The following PUS3 variants were observed in gnomAD, a reference collection of about 807,000 sequenced individuals.
The protein encoded by PUS3 is tRNA pseudouridine(38/39) synthase.
A neutral mutation model predicts 43.3 loss-of-function variants in PUS3; 36 were observed. That is an observed-to-expected ratio of 0.83 (90% CI 0.64 to 1.10). The LOEUF (loss-of-function observed/expected upper bound fraction) is 1.10, where lower values mean the gene tolerates loss of function less well. PUS3 is among the 50% of genes least tolerant of loss of function. PUS3 has a pLI of 0.00. For missense variants in PUS3, 544 were observed against 589.9 expected, an observed-to-expected ratio of 0.92 and a Z score of 0.81; for synonymous variants, 183 against 199.2, an observed-to-expected ratio of 0.92 and a Z score of 0.69.
At position 125,896,199 on chromosome 11, in the gene PUS3, T is replaced by C. The variant is rs909943532; in HGVS notation, c.86A>G (p.Lys29Arg). 2 of 1,614,086 alleles carry C rather than the reference T, an allele frequency of 1.2e-6. No individual in the cohort carries two copies. The highest frequency in any genetic ancestry group is 1.7e-6 in the Non-Finnish European group (2 of 1,180,046). Reference sequence around the variant, plus strand: ...CTCCTTATTTTTGGCCTGTTCCTTTTTAAGTCTTTGCACCTCTTGCTCCAG... The same window carrying C: ...CTCCTTATTTTTGGCCTGTTCCTTTCTAAGTCTTTGCACCTCTTGCTCCAG... ...RELEQEVQRL[K>R]KEQAKNKEDS... Residue 29 changes from lysine (K) to arginine (R), a missense_variant, in exon 2 of 4, where the codon AAA becomes AGA. Coordinates refer to ENST00000227474, the MANE Select transcript of PUS3 (RefSeq NM_031307.4).
Position 125,900,518 on chromosome 11 carries a change from G to T in PUS3, c.-47+2652C>A, listed in dbSNP as rs546504307. On this transcript the variant is annotated intron_variant, in intron 1 of 3. Coordinates refer to ENST00000227474, the MANE Select transcript of PUS3 (RefSeq NM_031307.4). ...ACAACAGACCTGGTCTTTCTATTTT[G>T]TCAAATTAGTAAGGGCCCTTTGTGT... The T allele has an allele frequency of 8.1e-6, 4 of 491,974 alleles. No homozygotes were observed. In the East Asian group the frequency reaches 1.6e-4, roughly 20 times the overall value. The allele number at this position is 491,974 out of a possible 1,614,324, so 30.5% of individuals were successfully genotyped here.
intron 1 of PUS3, chr11:125,899,650 G>A: frequency 1.9e-6 from 3 of 1,614,224 alleles, no homozygotes; most frequent in Non-Finnish European, 2.5e-6. Context: ...AGCCAGTGAT[G>A]AAGAGAAAGG....
At position 125,895,651 on chromosome 11, in the gene PUS3, G is replaced by T. The variant is rs370082947; in HGVS notation, c.517C>A (p.Arg173Ser). The change falls in exon 3 of 4, where the codon CGT becomes AGT. Residue 173 changes from arginine to serine, a missense_variant. By Grantham distance (110) the Arg-to-Ser change is moderately radical. Coordinates refer to ENST00000227474, the MANE Select transcript of PUS3 (RefSeq NM_031307.4). ...ILNRVLPPDI[R>S]ILAWAPVEPS... ...TCTACAGGGGCCCAGGCCAATATAC[G>T]GATGTCTGGAGGGAGTACCCGATTG... The T allele has an allele frequency of 1.7e-5, 28 of 1,614,092 alleles. No individual in the cohort carries two copies. Among genetic ancestry groups the T allele is most frequent in the African/African-American group, 2.7e-5 (2 of 74,944 alleles).
At chr11:125,896,451 G>T in intron 1 of PUS3, 121 bp from the exon 2 acceptor site, 1 of 668,108 alleles carries the variant, frequency 1.5e-6, no homozygotes, top group Non-Finnish European at 2.5e-6. Context: ...AGGAATACAA[G>T]CATTAGCTTT....
rs757738985 is a variant in PUS3 at position 125,896,112 on chromosome 11, C to T, written c.173G>A (p.Ser58Asn). The T allele has an allele frequency of 9.3e-6, 15 of 1,614,100 alleles. No individual in the cohort carries two copies. The highest frequency in any genetic ancestry group is 3.3e-5 in the Admixed American group (2 of 60,012). The change falls in exon 2 of 4, where the codon AGT becomes AAT. Residue 58 changes from serine to asparagine, a missense_variant. Ser to Asn is a conservative substitution (Grantham distance 46). Coordinates refer to ENST00000227474, the MANE Select transcript of PUS3 (RefSeq NM_031307.4). ...GGCTACGTGTCTTCGGCCATGAGCA[C>T]TGAAATCAAATGCACGCTTAGTTTT... Reference protein sequence around the residue: ...AGKTKRAFDFSAHGRRHVALR... With the variant: ...AGKTKRAFDFNAHGRRHVALR...
chr11:125,899,450 A>G (rs1052278124), intron 1 of PUS3: 3 of 1,614,178 alleles, frequency 1.9e-6, no homozygotes, highest in Non-Finnish European at 2.5e-6. Flanking sequence ...TACAGCTTTT[A>G]CCCACATCTG....
At chr11:125,900,392 TCATTGG>T (rs761701639) in intron 1 of PUS3, 3 of 890,098 alleles carry the variant, frequency 3.4e-6, no homozygotes, top group Non-Finnish European at 5.4e-6. Context: ...ACTTCACCTA[TCATTGG>T]TCTTTCCTAG....
At chr11:125,902,130 A>T (rs1393814307) in intron 1 of PUS3, among the ~76,000 whole-genome samples, 1 of 152,134 alleles carries the variant, frequency 6.6e-6, no homozygotes. Context: ...AGGACTTGGT[A>T]CACTACAGTG....
chr11:125,902,599 T>TAAA (rs55792535), intron 1 of PUS3, among the ~76,000 whole-genome samples: 1,554 of 117,284 alleles, frequency 0.013, 45 homozygotes, highest in African/African-American at 0.03. Context: ...GCGACAGTCT[T>TAAA]AAAAAAAAAA....
chr11:125,896,541 T>C (rs910294799), intron 1 of PUS3, among the ~76,000 whole-genome samples: 3 of 152,246 alleles, frequency 2.0e-5, no homozygotes, highest in African/African-American at 7.2e-5. Flanking sequence ...CTGTTTGTTA[T>C]TCAGTTGTCA....
Position 125,896,134 on chromosome 11 carries a change from T to G in PUS3, c.151A>C (p.Thr51Pro). The change falls in exon 2 of 4, where the codon ACT (threonine) becomes CCT (proline). Residue 51 changes from threonine (T) to proline (P), a missense_variant. By Grantham distance (38) the Thr-to-Pro change is conservative (BLOSUM62 -1). Coordinates refer to ENST00000227474, the MANE Select transcript of PUS3 (RefSeq NM_031307.4). ...IRENSAGAGK[T>P]KRAFDFSAHG... Reference sequence around the variant, plus strand: ...GCACTGAAATCAAATGCACGCTTAGTTTTTCCAGCTCCTGCTGAATTTTCT... The same window carrying G: ...GCACTGAAATCAAATGCACGCTTAGGTTTTCCAGCTCCTGCTGAATTTTCT... The G allele has an allele frequency of 6.2e-7, 1 of 1,614,182 alleles. No individual in the cohort carries two copies. Among genetic ancestry groups the G allele is most frequent in the East Asian group, 2.2e-5 (1 of 44,880 alleles).
At chr11:125,899,441 A>G in intron 1 of PUS3, 1 of 1,614,226 alleles carries the variant, frequency 6.2e-7, no homozygotes, top group Non-Finnish European at 8.5e-7. Context: ...GGCAGCTGCT[A>G]CAGCTTTTAC....
chr11:125,899,094 C>T (rs1354193453), intron 1 of PUS3: 3 of 457,716 alleles, frequency 6.6e-6, no homozygotes, highest in Non-Finnish European at 1.2e-5. Flanking sequence ...ACTATACTGT[C>T]CTGTTTTAGG....
chr11:125,896,407 A>G, intron 1 of PUS3, 77 bp from the exon 2 acceptor site: 1 of 972,704 alleles, frequency 1.0e-6, no homozygotes, highest in Non-Finnish European at 1.5e-6. Flanking sequence ...ATAAGATTTA[A>G]TTTAATGCCC....
In PUS3 at chr11:125,895,335, T is replaced by C. The variant is rs1336727536; in HGVS notation, c.833A>G (p.Gln278Arg). Reference protein sequence around the residue: ...EVTGQAFLYHQVRCMMAILFL... With the variant: ...EVTGQAFLYHRVRCMMAILFL... The stretch of plus-strand genomic sequence containing the variant: ...GAGGATAGCCATCATACATCGGACT[T>C]GATGATAAAGGAATGCCTGGCCAGT... The change falls in exon 3 of 4, where the codon CAA (glutamine) becomes CGA (arginine). Residue 278 changes from glutamine (Q) to arginine (R), a missense_variant. Coordinates refer to ENST00000227474, the MANE Select transcript of PUS3 (RefSeq NM_031307.4). The C allele has an allele frequency of 1.9e-6, 3 of 1,614,188 alleles. No homozygotes were observed. The South Asian group carries it at 3.3e-5, about 18-fold the overall frequency.
intron 1 of PUS3, among the ~76,000 whole-genome samples, chr11:125,898,413 C>T (rs1025222306): frequency 7.2e-5 from 11 of 152,126 alleles, no homozygotes; most frequent in African/African-American, 1.7e-4. Flanking sequence ...CAGCTGGGCG[C>T]GGTGGCTCAC....
At chr11:125,903,069 G>T in intron 1 of PUS3, 101 bp downstream of exon 1, 1 of 476,940 alleles carries the variant, frequency 2.1e-6, no homozygotes, top group Non-Finnish European at 2.7e-6. Flanking sequence ...ATGTGAAAGA[G>T]GGCAAAAAGA....
chr11:125,898,765 AT>A (rs565353526), intron 1 of PUS3, among the ~76,000 whole-genome samples: 97 of 147,864 alleles, frequency 6.6e-4, no homozygotes, highest in Admixed American at 6.8e-4. Flanking sequence ...TGCTTTTGTG[AT>A]TTTTTTTTTT....
At chr11:125,902,194 C>T (rs562189025) in intron 1 of PUS3, among the ~76,000 whole-genome samples, 2 of 152,296 alleles carry the variant, frequency 1.3e-5, no homozygotes, top group East Asian at 3.9e-4. Flanking sequence ...AGTTCCCAAG[C>T]AGACGTTTAA....
Sources: allele counts gnomAD v4.1 joint callset (sites outside exome capture counted in the v4.1 genomes callset), GRCh38; gene constraint gnomAD v4.1.1; transcripts MANE v1.5; gene names NCBI Gene and HGNC (gene_info 2026-07-23, HGNC 2026-07-21).